MAK16: variants seen among roughly 807,000 people sequenced by gnomAD.
MAK16 encodes the protein MAK16 homolog, also known as protein MAK16 homolog.
Under a neutral mutation model 49.9 loss-of-function variants are expected in MAK16, and 12 were observed. That is an observed-to-expected ratio of 0.24 (90% CI 0.15 to 0.39). MAK16 has a LOEUF of 0.39. Ranked by LOEUF, MAK16 falls within the 10% of genes least tolerant of loss-of-function variation. The pLI, the probability that MAK16 is intolerant of heterozygous loss-of-function variation, is 1.00. For missense variants in MAK16, 292 were observed against 363.7 expected (o/e 0.80, Z 1.60); for synonymous variants, 115 against 126.4 (o/e 0.91, Z 0.60).
At chr8:33,485,378 G>A (rs1808669485) in intron 1 of MAK16, 157 bp downstream of exon 1, 2 of 972,436 alleles carry the variant, frequency 2.1e-6, no homozygotes, top group South Asian at 1.4e-5. Flanking sequence ...AGGTTCTCAC[G>A]CGTGTCTAGC....
At chr8:33,490,467 TTGCCTAA>T in intron 6 of MAK16, 128 bp downstream of exon 6, 2 of 627,126 alleles carry the variant, frequency 3.2e-6, no homozygotes, top group Non-Finnish European at 5.4e-6. Context: ...TAACTATTAG[TTGCCTAA>T]GACATTTAAT....
At chr8:33,487,507 C>T (rs1808707388) in intron 1 of MAK16, among the ~76,000 whole-genome samples, 1 of 151,220 alleles carries the variant, frequency 6.6e-6, no homozygotes, top group Admixed American at 6.6e-5. Context: ...CTTACCGCAA[C>T]TTCTGCCTCC....
chr8:33,496,834 GAT>G (rs956013775), intron 8 of MAK16, 93 bp downstream of exon 8: 7 of 922,614 alleles, frequency 7.6e-6, no homozygotes, highest in African/African-American at 3.4e-5. Context: ...AACCAAAAAT[GAT>G]ATGTCTTCTT....
At chr8:33,495,745 C>G (rs1476711326) in intron 7 of MAK16, 129 bp downstream of exon 7, 1 of 546,644 alleles carries the variant, frequency 1.8e-6, no homozygotes, top group Non-Finnish European at 2.8e-6. Flanking sequence ...GAGATGGAGT[C>G]TTGCTTTGTT....
rs983789329 is a variant in MAK16 at position 33,500,219 on chromosome 8, T to C, written c.*1590T>C. 1.5e-6 allele frequency: 2 copies of C among 1,303,560 alleles called. No homozygotes were observed. The highest frequency in any genetic ancestry group is 2.2e-6 in the Non-Finnish European group (2 of 922,622). 80.7% of individuals were successfully genotyped at this position (1,303,560 alleles called of 1,614,324 possible). ...TCATATGGAGATCTAAAACCCTCCA[T>C]GTTCATTTCCAGACTTGGTCAGGCA... On this transcript the variant is annotated 3_prime_UTR_variant, in exon 10 of 10. Coordinates refer to ENST00000360128, the MANE Select transcript of MAK16 (RefSeq NM_032509.4).
intron 9 of MAK16, among the ~76,000 whole-genome samples, chr8:33,497,731 T>A (rs1478940656): frequency 6.6e-6 from 1 of 150,508 alleles, no homozygotes; most frequent in Non-Finnish European, 1.5e-5. Context: ...AGACCTCTGG[T>A]AATCCGCCTG....
intron 6 of MAK16, among the ~76,000 whole-genome samples, chr8:33,493,658 AG>A (rs1167045105): frequency 6.6e-6 from 1 of 152,172 alleles, no homozygotes; most frequent in Non-Finnish European, 1.5e-5. Context: ...CTTTTTTTCA[AG>A]TCCAGTTAGT....
In MAK16 at chr8:33,499,117, T is replaced by C; in HGVS notation, c.*488T>C. The C allele has an allele frequency of 7.4e-7, 1 of 1,356,118 alleles. No individual in the cohort carries two copies. The highest frequency in any genetic ancestry group is 1.2e-5 in the South Asian group (1 of 85,542). 84.0% of individuals were successfully genotyped at this position (1,356,118 alleles called of 1,614,324 possible). ...ATCTTTTTTTCTTAAATAACTCCAT[T>C]CATACAAATTGGGATGGGAAGAAAA... On this transcript the variant is annotated 3_prime_UTR_variant, in exon 10 of 10. Transcript: ENST00000360128.
chr8:33,493,829 GT>G (rs1054787225), intron 6 of MAK16, among the ~76,000 whole-genome samples: 1 of 152,018 alleles, frequency 6.6e-6, no homozygotes, highest in African/African-American at 2.4e-5. Flanking sequence ...TTTTTAAAGT[GT>G]GTGATTGCAA....
intron 5 of MAK16, 61 bp from the exon 6 acceptor site, chr8:33,490,224 A>G: frequency 2.2e-6 from 3 of 1,392,562 alleles, no homozygotes; most frequent in Non-Finnish European, 3.0e-6. Flanking sequence ...TTTTCTTCTC[A>G]TCCTTAAAAA....
At chr8:33,493,441 GTTA>G (rs1258140216) in intron 6 of MAK16, among the ~76,000 whole-genome samples, 1 of 152,048 alleles carries the variant, frequency 6.6e-6, no homozygotes, top group East Asian at 1.9e-4. Flanking sequence ...GGCTATAAAT[GTTA>G]TTATACATAC....
rs376715988 is a variant in MAK16, at chr8:33,498,573, G to A, written c.847G>A (p.Val283Met). 1.5e-4 allele frequency: 236 copies of A among 1,613,950 alleles called. No homozygotes were observed. The highest frequency in any genetic ancestry group is 1.9e-4 in the Non-Finnish European group (226 of 1,180,020). The change falls in exon 10 of 10, where the codon GTG becomes ATG. Residue 283 changes from valine to methionine, a missense_variant. By Grantham distance (21) the Val-to-Met change is conservative. Transcript: ENST00000360128. ...RGPLQRKRAY[V>M]EIEYEQETEP... is the part of the protein sequence containing the mutation. Reference sequence around the variant, plus strand: ...ACCACTGCAGAGAAAACGAGCCTATGTGGAAATAGAATACGAGCAGGAGAC... The same window carrying A: ...ACCACTGCAGAGAAAACGAGCCTATATGGAAATAGAATACGAGCAGGAGAC...
chr8:33,500,194 T>C lies in MAK16; in HGVS notation c.*1565T>C. The stretch of plus-strand genomic sequence containing the variant: ...TCAAGCTCTTTTGAGGCTAGAGGGC[T>C]CATATGGAGATCTAAAACCCTCCAT... On this transcript the variant is annotated 3_prime_UTR_variant, in exon 10 of 10. Transcript: ENST00000360128. 1.1e-6 allele frequency: 1 copy of C among 930,886 alleles called. No individual in the cohort carries two copies. The highest frequency in any genetic ancestry group is 1.6e-6 in the Non-Finnish European group (1 of 607,030). The allele number at this position is 930,886 out of a possible 1,614,324, so 57.7% of individuals were successfully genotyped here. A position where few individuals can be genotyped will look rare whatever the true frequency, so the allele number is the denominator to read the frequency against.
chr8:33,499,407 T>A lies in MAK16; in HGVS notation c.*778T>A. 1.4e-6 allele frequency: 1 copy of A among 699,576 alleles called. No individual in the cohort carries two copies. The highest frequency in any genetic ancestry group is 2.5e-6 in the Non-Finnish European group (1 of 394,480). The allele number at this position is 699,576 out of a possible 1,614,324, so 43.3% of individuals were successfully genotyped here. On this transcript the variant is annotated 3_prime_UTR_variant, in exon 10 of 10. Coordinates refer to ENST00000360128, the MANE Select transcript of MAK16 (RefSeq NM_032509.4). ...TGGATGACACTTAGGGACAGGTCAC[T>A]AAGCAGAATAGGTATTAGTTGGTTT... is the stretch of plus-strand genomic sequence containing the variant.
At chr8:33,493,599 G>A (rs1808811191) in intron 6 of MAK16, among the ~76,000 whole-genome samples, 1 of 151,968 alleles carries the variant, frequency 6.6e-6, no homozygotes, top group Admixed American at 6.6e-5. Context: ...GTTGATAGGT[G>A]GTCTCAAGTA....
Position 33,495,569 on chromosome 8 carries a change from G to T in MAK16, c.475G>T (p.Asp159Tyr). Residue 159 changes from aspartate (D) to tyrosine (Y), a missense_variant, in exon 7 of 10, where the codon GAC (aspartate) becomes TAC (tyrosine). Physicochemically the swap from Asp to Tyr is radical, Grantham distance 160. Coordinates refer to ENST00000360128, the MANE Select transcript of MAK16 (RefSeq NM_032509.4). Reference sequence around the variant, plus strand: ...AAAGGCATTAATAGCTGCTCAGCTGGACAATGCCATTGAGAAGGAATTACT... The same window carrying T: ...AAAGGCATTAATAGCTGCTCAGCTGTACAATGCCATTGAGAAGGAATTACT... ...EEKALIAAQL[D>Y]NAIEKELLER... 6.2e-7 allele frequency: 1 copy of T among 1,613,882 alleles called. No homozygotes were observed. Among genetic ancestry groups the T allele is most frequent in the Non-Finnish European group, 8.5e-7 (1 of 1,179,964 alleles).
chr8:33,495,742 A>C, intron 7 of MAK16, 126 bp downstream of exon 7: 1 of 538,646 alleles, frequency 1.9e-6, no homozygotes. Context: ...TTTGAGATGG[A>C]GTCTTGCTTT....
chr8:33,496,304 A>G (rs1423467347), intron 7 of MAK16, among the ~76,000 whole-genome samples: 1 of 152,196 alleles, frequency 6.6e-6, no homozygotes, highest in East Asian at 1.9e-4. Context: ...TGACTAAAGT[A>G]TGCTTTTTCC....
rs200505775 is a variant in MAK16 at position 33,498,582 on chromosome 8, G to C, written c.856G>C (p.Glu286Gln). The C allele has an allele frequency of 2.5e-6, 4 of 1,613,708 alleles. No individual in the cohort carries two copies. Among genetic ancestry groups the C allele is most frequent in the Non-Finnish European group, 3.4e-6 (4 of 1,179,952 alleles). Residue 286 changes from glutamate to glutamine, a missense_variant, in exon 10 of 10, where the codon GAA becomes CAA. Glu to Gln is a conservative substitution (Grantham distance 29). Coordinates refer to ENST00000360128, the MANE Select transcript of MAK16 (RefSeq NM_032509.4). ...LQRKRAYVEI[E>Q]YEQETEPVAK... Reference sequence around the variant, plus strand: ...GAGAAAACGAGCCTATGTGGAAATAGAATACGAGCAGGAGACAGAGCCCGT... The same window carrying C: ...GAGAAAACGAGCCTATGTGGAAATACAATACGAGCAGGAGACAGAGCCCGT...
Sources: gnomAD v4.1 joint callset for allele counts (sites outside exome capture counted in the v4.1 genomes callset) on GRCh38, gnomAD v4.1.1 for gene constraint, MANE v1.5 for transcripts, NCBI Gene and HGNC (gene_info 2026-07-23, HGNC 2026-07-21) for gene names.